CECR2: variants seen among roughly 807,000 people sequenced by gnomAD.
CECR2 encodes the protein CECR2 histone acetyl-lysine reader, also known as chromatin remodeling regulator CECR2.
A neutral mutation model predicts 154.5 loss-of-function variants in CECR2; 30 were observed. That is an observed-to-expected ratio of 0.19 (90% CI 0.15 to 0.26). The LOEUF is 0.26. Among genes scored for constraint, CECR2 ranks in the 10% least tolerant of loss-of-function variants. CECR2 has a pLI of 1.00. For synonymous variants in CECR2, 725 were observed against 683.7 expected, an observed-to-expected ratio of 1.06 and a Z score of -0.94; for missense variants, 1,743 against 1,829.3, an observed-to-expected ratio of 0.95 and a Z score of 0.86.
chr22:17,438,945 T>A (rs2054545680), intron 1 of CECR2, among the ~76,000 whole-genome samples: 1 of 152,096 alleles, frequency 6.6e-6, no homozygotes, highest in Admixed American at 6.6e-5. Context: ...GGAGGTCAAG[T>A]TGGGAGGATC....
At chr22:17,417,411 G>A (rs934963839) in intron 1 of CECR2, among the ~76,000 whole-genome samples, 1 of 152,174 alleles carries the variant, frequency 6.6e-6, no homozygotes, top group African/African-American at 2.4e-5. Flanking sequence ...AATTTACTTG[G>A]AAGCAGATCT....
At chr22:17,420,504 G>C (rs763043163) in intron 1 of CECR2, among the ~76,000 whole-genome samples, 2 of 152,050 alleles carry the variant, frequency 1.3e-5, no homozygotes, top group Admixed American at 1.3e-4. Flanking sequence ...ATTCAATTTT[G>C]TTTAAAACAT....
chr22:17,485,314 G>A (rs2055400820), intron 2 of CECR2, among the ~76,000 whole-genome samples: 3 of 152,182 alleles, frequency 2.0e-5, no homozygotes, highest in Admixed American at 1.3e-4. Flanking sequence ...GCAGCCCCGT[G>A]CTGTCAATGA....
intron 1 of CECR2, among the ~76,000 whole-genome samples, chr22:17,362,367 G>A (rs1442863813): frequency 6.6e-6 from 1 of 152,058 alleles, no homozygotes; most frequent in Non-Finnish European, 1.5e-5. Context: ...ATTTAGAGGG[G>A]CCAAGTGAGT....
chr22:17,549,783 GGT>G lies in CECR2; in HGVS notation c.4277+220_4277+221del, dbSNP rs1254674861. 2.7e-3 allele frequency among the ~76,000 whole-genome samples: 243 copies of G among 88,828 alleles called. 18 individuals are homozygous for G. The highest frequency in any genetic ancestry group is 9.4e-3 in the African/African-American group (216 of 22,984). The allele number at this position is 88,828 out of a possible 152,430, so 58.3% of individuals were successfully genotyped here. ...TGCCACCACACCCAGCTAACTTTTT[GGT>G]TTTTTTTTTTTTTTTTTTTTGGTGG... On this transcript the variant is annotated intron_variant, in intron 17 of 18. Transcript: ENST00000262608.
At chr22:17,543,051 TA>T in intron 16 of CECR2, 48 bp downstream of exon 16, 1 of 1,532,074 alleles carries the variant, frequency 6.5e-7, no homozygotes, top group South Asian at 1.3e-5. Context: ...GTTTCATGAG[TA>T]ATCTTTTTAC....
chr22:17,368,290 C>T (rs2063014212), upstream of CECR2, among the ~76,000 whole-genome samples: 1 of 152,076 alleles, frequency 6.6e-6, no homozygotes, highest in South Asian at 2.1e-4. Context: ...GAGTTTAACC[C>T]TTGTACACTT....
chr22:17,540,854 T>C lies in CECR2; in HGVS notation c.1884+54T>C. The C allele has an allele frequency of 2.7e-6, 4 of 1,485,880 alleles. No homozygotes were observed. In the East Asian group the frequency reaches 9.4e-5, roughly 35 times the overall value. The allele number at this position is 1,485,880 out of a possible 1,614,324, so 92.0% of individuals were successfully genotyped here. ...TTTCTCCTAGTTTGTGAGTTCATAG[T>C]AATGTAGAGGCCATTCAGTTAGTAC... On this transcript the variant is annotated intron_variant, in intron 14 of 18. Transcript: ENST00000262608.
chr22:17,462,545 T>C (rs998953379), intron 1 of CECR2, among the ~76,000 whole-genome samples: 1 of 152,142 alleles, frequency 6.6e-6, no homozygotes, highest in African/African-American at 2.4e-5. Context: ...GCAAATTTAA[T>C]TGGGCAGAGG....
intron 9 of CECR2, among the ~76,000 whole-genome samples, chr22:17,527,568 ACCAACCTGG>A (rs1476834793): frequency 6.6e-6 from 1 of 152,204 alleles, no homozygotes; most frequent in Non-Finnish European, 1.5e-5. Context: ...GGAGTTCAAG[ACCAACCTGG>A]CCAACATGGC....
intron 1 of CECR2, among the ~76,000 whole-genome samples, chr22:17,456,926 ATAAGGG>A (rs2054862689): frequency 6.6e-6 from 1 of 152,266 alleles, no homozygotes; most frequent in African/African-American, 2.4e-5. Flanking sequence ...CACATTTAGA[ATAAGGG>A]TAGAGTTTCA....
chr22:17,464,760 C>G (rs1207637177), intron 1 of CECR2, among the ~76,000 whole-genome samples: 1 of 152,108 alleles, frequency 6.6e-6, no homozygotes, highest in Admixed American at 6.5e-5. Flanking sequence ...TTCAGTCCCC[C>G]AAAGCACTAG....
At position 17,548,184 on chromosome 22, in the gene CECR2, G is replaced by C; in HGVS notation, c.2897G>C (p.Gly966Ala). ...PLPGLEEKPP[G>A]VGTSEGVYLT... is the part of the protein sequence containing the mutation. Reference sequence around the variant, plus strand: ...CCTGGCCTTGAAGAGAAACCACCAGGTGTTGGTACTTCAGAGGGGGTCTAC... The same window carrying C: ...CCTGGCCTTGAAGAGAAACCACCAGCTGTTGGTACTTCAGAGGGGGTCTAC... Residue 966 changes from glycine to alanine, a missense_variant, in exon 17 of 19, where the codon GGT (glycine) becomes GCT (alanine). Physicochemically the swap from Gly to Ala is moderately conservative, Grantham distance 60. This residue lies in a region of CECR2 where 1,250 missense variants were observed against 1,192.1 expected (regional missense o/e 1.05). Transcript: ENST00000262608. 6.3e-7 allele frequency: 1 copy of C among 1,576,868 alleles called. No homozygotes were observed. The highest frequency in any genetic ancestry group is 8.6e-7 in the Non-Finnish European group (1 of 1,161,612).
chr22:17,407,006 C>G (rs1209895238), intron 1 of CECR2, among the ~76,000 whole-genome samples: 1 of 152,078 alleles, frequency 6.6e-6, no homozygotes, highest in Non-Finnish European at 1.5e-5. Context: ...GTATAAGAAG[C>G]ATTTAAGTAC....
At chr22:17,447,443 G>A (rs1025269674) in intron 1 of CECR2, among the ~76,000 whole-genome samples, 7 of 151,724 alleles carry the variant, frequency 4.6e-5, no homozygotes, top group Non-Finnish European at 8.8e-5. Context: ...GTGAGCCACC[G>A]TGCCCGGCTG....
chr22:17,505,151 A>T, intron 7 of CECR2, 135 bp downstream of exon 7: 9 of 865,270 alleles, frequency 1.0e-5, no homozygotes, highest in South Asian at 1.7e-5. Flanking sequence ...TCTGAACTCC[A>T]GTGTTAGAAT....
intron 16 of CECR2, among the ~76,000 whole-genome samples, chr22:17,544,359 G>A (rs901105682): frequency 2.0e-5 from 3 of 151,432 alleles, no homozygotes; most frequent in Non-Finnish European, 2.9e-5. Context: ...TTAGCCGAGC[G>A]TGGTGGCAGG....
intron 1 of CECR2, among the ~76,000 whole-genome samples, chr22:17,386,431 T>A (rs1454330830): frequency 6.6e-6 from 1 of 152,170 alleles, no homozygotes; most frequent in Non-Finnish European, 1.5e-5. Flanking sequence ...TAATCTCAGT[T>A]CCTTCATTTG....
chr22:17,519,288 TTG>T (rs35633133), intron 8 of CECR2, among the ~76,000 whole-genome samples: 20,699 of 140,684 alleles, frequency 0.15, 1,811 homozygotes, highest in Non-Finnish European at 0.2. Flanking sequence ...CTCAGGTGTT[TTG>T]TGTTTTTTTT....
Sources: allele counts gnomAD v4.1 joint callset (sites outside exome capture counted in the v4.1 genomes callset), GRCh38; gene constraint gnomAD v4.1.1; regional missense constraint gnomAD v4.1.1; transcripts MANE v1.5; gene names NCBI Gene and HGNC (gene_info 2026-07-23, HGNC 2026-07-21).